The following CLMN variants were observed in gnomAD, a reference collection of about 807,000 sequenced individuals.
CLMN encodes the protein calmin (calponin-like, transmembrane).
In CLMN, 57 loss-of-function variants were observed where a neutral mutation model predicts 92.7. That is an observed-to-expected ratio of 0.61 (90% CI 0.50 to 0.77). The LOEUF (loss-of-function observed/expected upper bound fraction) is 0.77. Among genes scored for constraint, CLMN ranks in the 30% least tolerant of loss-of-function variants. The probability of loss-of-function intolerance (pLI) is 0.00; values close to 1 mark genes in which losing one functional copy is unlikely to be tolerated. For synonymous variants in CLMN, 466 were observed against 470.6 expected (o/e 0.99, Z 0.13); for missense variants, 1,158 against 1,237.5 (o/e 0.94, Z 0.96).
chr14:95,285,652 T>C (rs1900313213), intron 1 of CLMN, among the ~76,000 whole-genome samples: 1 of 152,216 alleles, frequency 6.6e-6, no homozygotes, highest in South Asian at 2.1e-4. Flanking sequence ...CTGGAGGATC[T>C]GAGAAAATCT....
intron 1 of CLMN, among the ~76,000 whole-genome samples, chr14:95,254,052 T>C (rs1222122125): frequency 1.3e-5 from 2 of 152,188 alleles, no homozygotes; most frequent in East Asian, 3.9e-4. Context: ...CCTGTCAAGA[T>C]GGAAAGGGCC....
At chr14:95,255,114 T>C (rs111970740) in intron 1 of CLMN, among the ~76,000 whole-genome samples, 2 of 152,312 alleles carry the variant, frequency 1.3e-5, no homozygotes, top group African/African-American at 4.8e-5. Flanking sequence ...CAGAGAGGGA[T>C]GACCATGAGA....
At chr14:95,244,749 G>A (rs895465542) in intron 1 of CLMN, among the ~76,000 whole-genome samples, 2 of 152,088 alleles carry the variant, frequency 1.3e-5, no homozygotes, top group African/African-American at 4.8e-5. Context: ...CATCTATGCA[G>A]GAGATGAGAA....
Position 95,191,756 on chromosome 14 carries a change from C to A in CLMN, c.2841-24G>T. The A allele has an allele frequency of 6.3e-7, 1 of 1,585,108 alleles. No homozygotes were observed. The highest frequency in any genetic ancestry group is 8.6e-7 in the Non-Finnish European group (1 of 1,168,702). On this transcript the variant is annotated intron_variant, in intron 12 of 12. Coordinates refer to ENST00000298912, the MANE Select transcript of CLMN (RefSeq NM_024734.4). The surrounding 1 kb of genome is among the most constrained non-coding windows in gnomAD (Gnocchi z 5.3). ...TCCTACAGAAGAAACACAGAGGAAACGCAGTTACCAAGCAGGTTCCCAGGA... is the reference window on the plus strand; with the variant it reads ...TCCTACAGAAGAAACACAGAGGAAAAGCAGTTACCAAGCAGGTTCCCAGGA...
At chr14:95,278,403 G>A (rs1014634383) in intron 1 of CLMN, among the ~76,000 whole-genome samples, 18 of 152,002 alleles carry the variant, frequency 1.2e-4, no homozygotes, top group African/African-American at 4.1e-4. Context: ...GAACTGAGTC[G>A]TTTTTCTCCA....
intron 1 of CLMN, among the ~76,000 whole-genome samples, chr14:95,257,617 G>A (rs1164472254): frequency 3.3e-5 from 5 of 152,234 alleles, no homozygotes; most frequent in Admixed American, 6.5e-5. Context: ...TTCTTTCAAC[G>A]ACAACGTGTT....
At position 95,184,152 on chromosome 14, in the gene CLMN, C is replaced by A. The variant is rs1343158137; in HGVS notation, c.*7412G>T. Reference sequence around the variant, plus strand: ...TTCAAGAAAAGTATTTTTCATCCAACAAATATGTGCTGAATGCCTATAATG... The same window carrying A: ...TTCAAGAAAAGTATTTTTCATCCAAAAAATATGTGCTGAATGCCTATAATG... On this transcript the variant is annotated 3_prime_UTR_variant, in exon 13 of 13. Transcript: ENST00000298912. The A allele has an allele frequency of 6.6e-6, 1 of 152,224 alleles. No individual in the cohort carries two copies. The highest frequency in any genetic ancestry group is 2.4e-5 in the African/African-American group (1 of 41,448). The allele number at this position is 152,224 out of a possible 1,614,324, so 9.4% of individuals were successfully genotyped here. A position where few individuals can be genotyped will look rare whatever the true frequency, so the allele number is the denominator to read the frequency against.
Position 95,194,374 on chromosome 14 carries a change from C to T in CLMN, c.2769+162G>A, listed in dbSNP as rs111738025. 1.0e-3 allele frequency: 1,485 copies of T among 1,459,296 alleles called. 15 individuals carry two copies. The African/African-American group carries it at 0.018, about 18-fold the overall frequency. The allele number at this position is 1,459,296 out of a possible 1,614,324, so 90.4% of individuals were successfully genotyped here. On this transcript the variant is annotated intron_variant, in intron 11 of 12. Transcript: ENST00000298912. This position sits in a 1 kb window ranked among gnomAD's most constrained non-coding sequence, Gnocchi z 4.0. ...TTATTGCCCAAACCGGATATCCGATCGGACTGTGCTTAATGATAAGGTTCC... is the reference window on the plus strand; with the variant it reads ...TTATTGCCCAAACCGGATATCCGATTGGACTGTGCTTAATGATAAGGTTCC...
chr14:95,283,978 T>A (rs2140745603), intron 1 of CLMN, among the ~76,000 whole-genome samples: 1 of 152,314 alleles, frequency 6.6e-6, no homozygotes, highest in East Asian at 1.9e-4. Flanking sequence ...GTCAGAGACC[T>A]TCATGGCAGC....
intron 1 of CLMN, among the ~76,000 whole-genome samples, chr14:95,317,585 C>T (rs1229628464): frequency 6.7e-6 from 1 of 148,584 alleles, no homozygotes; most frequent in African/African-American, 2.5e-5. Context: ...GGAATCACAC[C>T]AGCACAATGC....
At chr14:95,272,574 A>C (rs1298418060) in intron 1 of CLMN, among the ~76,000 whole-genome samples, 1 of 152,202 alleles carries the variant, frequency 6.6e-6, no homozygotes, top group Admixed American at 6.5e-5. Context: ...CAAAGTTTGA[A>C]GTTTGGATAT....
At chr14:95,290,160 T>C (rs995725794) in intron 1 of CLMN, among the ~76,000 whole-genome samples, 3 of 152,262 alleles carry the variant, frequency 2.0e-5, no homozygotes, top group Non-Finnish European at 4.4e-5. Flanking sequence ...CTTCACAGTG[T>C]GCAAAGCCAC....
chr14:95,232,639 G>A (rs1311949237), intron 1 of CLMN, among the ~76,000 whole-genome samples: 4 of 152,180 alleles, frequency 2.6e-5, no homozygotes, highest in Non-Finnish European at 5.9e-5. Flanking sequence ...TGTGTTTCAC[G>A]GGTGAGAGGG....
chr14:95,318,439 GT>G (rs1190937618), intron 1 of CLMN, among the ~76,000 whole-genome samples: 2 of 152,168 alleles, frequency 1.3e-5, no homozygotes, highest in African/African-American at 4.8e-5. Context: ...TCCTTTTGAG[GT>G]CACCTCTGCC....
chr14:95,245,982 C>T (rs1256048641), intron 1 of CLMN, among the ~76,000 whole-genome samples: 11 of 152,246 alleles, frequency 7.2e-5, no homozygotes, highest in South Asian at 4.2e-4. Context: ...GGCCTCCAAA[C>T]GCACCATGCC....
chr14:95,303,359 A>T (rs1901138110), intron 1 of CLMN, among the ~76,000 whole-genome samples: 1 of 152,198 alleles, frequency 6.6e-6, no homozygotes, highest in Non-Finnish European at 1.5e-5. Flanking sequence ...TAATCACAAC[A>T]AGTGCACGAT....
chr14:95,317,203 G>A (rs192354252), intron 1 of CLMN, among the ~76,000 whole-genome samples: 54 of 152,266 alleles, frequency 3.5e-4, no homozygotes, highest in African/African-American at 1.1e-3. Context: ...TTCTGGACTC[G>A]GCCCTTTGGC....
At chr14:95,242,053 G>A (rs950071609) in intron 1 of CLMN, among the ~76,000 whole-genome samples, 4 of 151,862 alleles carry the variant, frequency 2.6e-5, no homozygotes, top group East Asian at 1.9e-4. Context: ...CAGAAACCCT[G>A]TAGGTTACAA....
At chr14:95,272,317 G>A (rs1300126440) in intron 1 of CLMN, among the ~76,000 whole-genome samples, 2 of 151,094 alleles carry the variant, frequency 1.3e-5, no homozygotes, top group Non-Finnish European at 3.0e-5. Context: ...AGGAAGAGGA[G>A]GAGGAGGGTA....
Sources: gnomAD v4.1 joint callset for allele counts (sites outside exome capture counted in the v4.1 genomes callset) on GRCh38, gnomAD v4.1.1 for gene constraint, Gnocchi (gnomAD v3.1) non-coding constraint, MANE v1.5 for transcripts, NCBI Gene and HGNC (gene_info 2026-07-23, HGNC 2026-07-21) for gene names.